Variants in ENOX1 observed in about 807,000 individuals in gnomAD.
ENOX1 encodes the protein candidate growth-related and time keeping constitutive hydroquinone (NADH) oxidase.
In ENOX1, 42 loss-of-function variants were observed where a neutral mutation model predicts 82.5. That is an observed-to-expected ratio of 0.51 (90% CI 0.40 to 0.66). The LOEUF (loss-of-function observed/expected upper bound fraction) is 0.66, where lower values mean the gene tolerates loss of function less well. ENOX1 is among the 30% of genes least tolerant of loss of function. ENOX1 has a pLI of 0.00. For synonymous variants in ENOX1, 271 were observed against 282.2 expected (o/e 0.96, Z 0.40); for missense variants, 608 against 811.6 (o/e 0.75, Z 3.05).
intron 11 of ENOX1, among the ~76,000 whole-genome samples, chr13:43,312,814 G>GT (rs1468028159): frequency 2.0e-5 from 3 of 152,104 alleles, no homozygotes; most frequent in African/African-American, 7.2e-5. Flanking sequence ...TGCTGGGTGC[G>GT]TTGCCTATAT....
chr13:43,326,109 T>A lies in ENOX1; in HGVS notation c.1143+310A>T, dbSNP rs569435640. On this transcript the variant is annotated intron_variant, in intron 10 of 16. Transcript: ENST00000690772. ...GTATTTAAAAGCCAGTTTTCTATTG[T>A]AAGCTCCATTTTTCTTCAAAATAAT... 1.3e-3 allele frequency among the ~76,000 whole-genome samples: 199 copies of A among 152,374 alleles called. 5 individuals carry two copies. In the South Asian group the frequency reaches 0.04, roughly 31 times the overall value.
At chr13:43,744,596 C>G (rs1164519302) in intron 1 of ENOX1, among the ~76,000 whole-genome samples, 1 of 152,156 alleles carries the variant, frequency 6.6e-6, no homozygotes, top group African/African-American at 2.4e-5. Flanking sequence ...AAACAAGCAA[C>G]CCAAATGTAA....
At chr13:43,625,739 T>C (rs901626169) in intron 2 of ENOX1, among the ~76,000 whole-genome samples, 1 of 9,392 alleles carries the variant, frequency 1.1e-4, no homozygotes, top group African/African-American at 1.1e-4. Flanking sequence ...CTGAATTCTA[T>C]TTGCTAATAT....
intron 14 of ENOX1, among the ~76,000 whole-genome samples, chr13:43,253,350 C>G (rs2043567244): frequency 6.6e-6 from 1 of 152,160 alleles, no homozygotes; most frequent in African/African-American, 2.4e-5. Flanking sequence ...CATATTTCCT[C>G]AAAGAAATGC....
chr13:43,490,742 G>A (rs567817835), intron 2 of ENOX1, among the ~76,000 whole-genome samples: 1 of 152,082 alleles, frequency 6.6e-6, no homozygotes, highest in African/African-American at 2.4e-5. Flanking sequence ...GAACCTGCCA[G>A]TGCATTCATC....
chr13:43,429,009 A>G (rs1440554079), intron 3 of ENOX1, among the ~76,000 whole-genome samples: 1 of 152,190 alleles, frequency 6.6e-6, no homozygotes, highest in African/African-American at 2.4e-5. Context: ...CATTCTCAGT[A>G]GAGACAAACT....
chr13:43,214,664 T>G (rs2041371955), intron 16 of ENOX1, among the ~76,000 whole-genome samples: 1 of 152,248 alleles, frequency 6.6e-6, no homozygotes, highest in Non-Finnish European at 1.5e-5. Flanking sequence ...AATACAAGTC[T>G]TGATATCTAG....
In ENOX1 at chr13:43,709,539, CAAT is replaced by C. The variant is rs138028148; in HGVS notation, c.-284-41998_-284-41996del. Among the ~76,000 whole-genome samples the C allele has an allele frequency of 9.1e-3, 1,373 of 151,162 alleles. 21 individuals are homozygous for C. Among genetic ancestry groups the C allele is most frequent in the African/African-American group, 0.031 (1,293 of 41,164 alleles). On this transcript the variant is annotated intron_variant, in intron 1 of 16. Transcript: ENST00000690772. ...CAAATTGAAACACAAAAAAGGGAAA[CAAT>C]GATGAGGGCAGGGATCAATGTGAAA... is the stretch of plus-strand genomic sequence containing the variant.
At chr13:43,221,640 A>G (rs1028901051) in intron 16 of ENOX1, among the ~76,000 whole-genome samples, 4 of 152,222 alleles carry the variant, frequency 2.6e-5, no homozygotes, top group Admixed American at 6.5e-5. Flanking sequence ...ATATGCAAAT[A>G]TGCAAATATC....
At chr13:43,496,366 C>T (rs1030176714) in intron 2 of ENOX1, among the ~76,000 whole-genome samples, 7 of 151,708 alleles carry the variant, frequency 4.6e-5, no homozygotes, top group African/African-American at 1.7e-4. Context: ...ATTGCTCTAG[C>T]AATTGGCTCT....
intron 8 of ENOX1, among the ~76,000 whole-genome samples, chr13:43,349,609 C>A (rs998370086): frequency 6.6e-6 from 1 of 152,188 alleles, no homozygotes; most frequent in Non-Finnish European, 1.5e-5. Context: ...GCAGGAGCAG[C>A]CTTTGTGAGC....
At chr13:43,717,387 T>C (rs1355946914) in intron 1 of ENOX1, among the ~76,000 whole-genome samples, 1 of 152,138 alleles carries the variant, frequency 6.6e-6, no homozygotes, top group East Asian at 1.9e-4. Flanking sequence ...AACCAAACAT[T>C]AACCCAACAT....
intron 3 of ENOX1, among the ~76,000 whole-genome samples, chr13:43,442,365 T>C (rs1292020038): frequency 6.6e-6 from 1 of 152,206 alleles, no homozygotes; most frequent in African/African-American, 2.4e-5. Flanking sequence ...ATGTGTTAAA[T>C]ATGTAGTTCC....
In ENOX1 at chr13:43,353,018, G is replaced by A. The variant is rs114140649; in HGVS notation, c.823+2901C>T. Among the ~76,000 whole-genome samples, 727 of 152,322 alleles carry A rather than the reference G, an allele frequency of 4.8e-3. 8 individuals carry two copies. The highest frequency in any genetic ancestry group is 0.017 in the African/African-American group (691 of 41,566). ...TCTTTGAGGCAGGGGCTTGTTCACC[G>A]TTGTCCTTTCCACCACTGGCTAGGA... On this transcript the variant is annotated intron_variant, in intron 8 of 16. Coordinates refer to ENST00000690772, the MANE Select transcript of ENOX1 (RefSeq NM_001347969.2).
chr13:43,709,608 G>A (rs1463872595), intron 1 of ENOX1, among the ~76,000 whole-genome samples: 1 of 151,234 alleles, frequency 6.6e-6, no homozygotes, highest in Non-Finnish European at 1.5e-5. Context: ...AGAAGATGAG[G>A]AGGAGAGAAG....
intron 2 of ENOX1, among the ~76,000 whole-genome samples, chr13:43,575,503 T>G (rs1024120544): frequency 6.6e-6 from 1 of 152,198 alleles, no homozygotes; most frequent in African/African-American, 2.4e-5. Context: ...AAGATTTCCA[T>G]AGGTAGTGTT....
chr13:43,476,991 A>G (rs1455223461), intron 3 of ENOX1, among the ~76,000 whole-genome samples: 1 of 152,052 alleles, frequency 6.6e-6, no homozygotes, highest in Non-Finnish European at 1.5e-5. Context: ...AAAACTATAC[A>G]ACAATTAACC....
chr13:43,713,594 T>C (rs2087890688), intron 1 of ENOX1, among the ~76,000 whole-genome samples: 1 of 152,240 alleles, frequency 6.6e-6, no homozygotes, highest in Non-Finnish European at 1.5e-5. Flanking sequence ...TTTCAGAGTC[T>C]GTTATTGGTC....
At chr13:43,749,243 T>C (rs1011611964) in intron 1 of ENOX1, among the ~76,000 whole-genome samples, 3 of 152,208 alleles carry the variant, frequency 2.0e-5, no homozygotes, top group African/African-American at 7.2e-5. Flanking sequence ...CATGAATGTA[T>C]TTGACATCAA....
Sources: gnomAD v4.1 joint callset for allele counts (sites outside exome capture counted in the v4.1 genomes callset) on GRCh38, gnomAD v4.1.1 for gene constraint, MANE v1.5 for transcripts, NCBI Gene and HGNC (gene_info 2026-07-23, HGNC 2026-07-21) for gene names.